The following FMN1 variants were observed in gnomAD, a reference collection of about 807,000 sequenced individuals.
FMN1 encodes the protein formin-1.
FMN1 carries 110 observed loss-of-function variants against 132.4 expected under a neutral mutation model. The observed-to-expected ratio is 0.83, with a 90% CI of 0.71 to 0.97. FMN1 has a LOEUF of 0.97. FMN1 is among the 50% of genes least tolerant of loss of function. The pLI is 0.00. For synonymous variants in FMN1, 722 were observed against 651.7 expected, an observed-to-expected ratio of 1.11 and a Z score of -1.64; for missense variants, 1,792 against 1,705.3, an observed-to-expected ratio of 1.05 and a Z score of -0.90.
chr15:33,147,165 CA>C (rs869166176), intron 4 of FMN1, among the ~76,000 whole-genome samples: 207 of 69,214 alleles, frequency 3.0e-3, no homozygotes, highest in East Asian at 7.7e-3. Context: ...GACTCCGTCT[CA>C]AAAAAAAAAA....
chr15:32,908,256 G>T (rs1480867334), intron 12 of FMN1: 1 of 432,972 alleles, frequency 2.3e-6, no homozygotes, highest in Non-Finnish European at 4.2e-6. Flanking sequence ...AAAGAAAGGG[G>T]AGTCTCTTGG....
intron 9 of FMN1, among the ~76,000 whole-genome samples, chr15:32,926,501 G>A (rs1381052683): frequency 6.6e-6 from 1 of 152,112 alleles, no homozygotes; most frequent in African/African-American, 2.4e-5. Flanking sequence ...TAATACAAAC[G>A]CTAAATCTTT....
chr15:32,919,878 G>A (rs1485271140), intron 10 of FMN1, among the ~76,000 whole-genome samples: 2 of 152,106 alleles, frequency 1.3e-5, no homozygotes, highest in East Asian at 3.9e-4. Flanking sequence ...AGGTCCAGCG[G>A]GCATTCTCAG....
intron 4 of FMN1, among the ~76,000 whole-genome samples, chr15:33,135,929 C>G (rs117416596): frequency 0.016 from 2,411 of 152,282 alleles, 38 homozygotes; most frequent in Non-Finnish European, 0.025. Flanking sequence ...TCCATGAGGA[C>G]AGGAATTAGC....
At chr15:32,808,217 GCTTT>G in intron 17 of FMN1, among the ~76,000 whole-genome samples, 1 of 152,302 alleles carries the variant, frequency 6.6e-6, no homozygotes, top group South Asian at 2.1e-4. Flanking sequence ...AGCAGAAATG[GCTTT>G]CTATTCCATG....
chr15:32,784,541 A>T (rs959812020), intron 19 of FMN1, among the ~76,000 whole-genome samples: 6 of 152,082 alleles, frequency 3.9e-5, no homozygotes, highest in Admixed American at 3.3e-4. Flanking sequence ...AACTGATTTA[A>T]GAAGACCAAG....
chr15:33,133,446 G>A (rs1963633642), intron 4 of FMN1, among the ~76,000 whole-genome samples: 1 of 152,146 alleles, frequency 6.6e-6, no homozygotes, highest in South Asian at 2.1e-4. Context: ...GTACGAACAG[G>A]GCCATAGAAA....
intron 7 of FMN1, among the ~76,000 whole-genome samples, chr15:33,006,844 G>A (rs1002270149): frequency 7.9e-5 from 12 of 152,060 alleles, no homozygotes; most frequent in African/African-American, 2.4e-4. Flanking sequence ...AGTCGAACTC[G>A]CAGGAACAGG....
intron 12 of FMN1, among the ~76,000 whole-genome samples, chr15:32,902,403 C>T (rs574524594): frequency 7.2e-5 from 11 of 152,240 alleles, no homozygotes; most frequent in African/African-American, 2.4e-4. Flanking sequence ...AATAAACTCC[C>T]TCATAATGCA....
intron 4 of FMN1, among the ~76,000 whole-genome samples, chr15:33,128,628 T>TA (rs1026281131): frequency 1.3e-5 from 2 of 152,234 alleles, no homozygotes; most frequent in Non-Finnish European, 2.9e-5. Context: ...CGGCAAGTGT[T>TA]ACAGCTCTTA....
intron 17 of FMN1, among the ~76,000 whole-genome samples, chr15:32,855,327 T>C (rs2141282322): frequency 6.6e-6 from 1 of 152,114 alleles, no homozygotes; most frequent in East Asian, 1.9e-4. Context: ...GTTTTAGGAC[T>C]TTCTTAGAAC....
intron 16 of FMN1, among the ~76,000 whole-genome samples, chr15:32,874,342 A>G (rs936856996): frequency 6.6e-6 from 1 of 152,144 alleles, no homozygotes. Flanking sequence ...TATATAGCGA[A>G]TATCAAGCCC....
chr15:33,065,186 T>A, intron 5 of FMN1, 112 bp from the exon 6 acceptor site: 2 of 640,524 alleles, frequency 3.1e-6, no homozygotes, highest in Admixed American at 3.0e-5. Context: ...TAGTTGCACA[T>A]TGCTCTCATT....
chr15:33,061,282 A>C (rs911098783), intron 6 of FMN1, among the ~76,000 whole-genome samples: 88 of 152,322 alleles, frequency 5.8e-4, no homozygotes, highest in African/African-American at 1.9e-3. Flanking sequence ...CCTGCAATAA[A>C]GCTAGCATGC....
At chr15:33,071,948 C>T (rs573032066) in intron 5 of FMN1, among the ~76,000 whole-genome samples, 2 of 152,274 alleles carry the variant, frequency 1.3e-5, no homozygotes, top group East Asian at 3.9e-4. Context: ...ACCTATTACA[C>T]AAAACCAGCA....
intron 17 of FMN1, among the ~76,000 whole-genome samples, chr15:32,836,515 G>C (rs2058630407): frequency 6.6e-6 from 1 of 152,022 alleles, no homozygotes; most frequent in Admixed American, 6.6e-5. Flanking sequence ...TTTAGTCTCA[G>C]TACTACAAAT....
rs749937524 is a variant in FMN1, at chr15:32,774,287, C to G, written c.*23G>C. The G allele has an allele frequency of 1.3e-5, 20 of 1,589,142 alleles. No individual in the cohort carries two copies. Among genetic ancestry groups the G allele is most frequent in the Non-Finnish European group, 1.4e-5 (16 of 1,162,474 alleles). ...GTGCAAGGTCCTCCACCTCCAGTGC[C>G]ATCATTTCCATGTGTCTTCATCTTA... is the stretch of plus-strand genomic sequence containing the variant. On this transcript the variant is annotated 3_prime_UTR_variant, in exon 21 of 21. Coordinates refer to ENST00000616417, the MANE Select transcript of FMN1 (RefSeq NM_001277313.2).
intron 7 of FMN1, among the ~76,000 whole-genome samples, chr15:32,989,491 T>C (rs928697685): frequency 1.3e-5 from 2 of 150,994 alleles, no homozygotes; most frequent in Non-Finnish European, 3.0e-5. Flanking sequence ...TGTAGGGAAA[T>C]AGCGGAAGAG....
At chr15:32,998,227 G>GCTA (rs1425238062) in intron 7 of FMN1, among the ~76,000 whole-genome samples, 5 of 152,210 alleles carry the variant, frequency 3.3e-5, no homozygotes, top group Admixed American at 6.5e-5. Context: ...CTTTCCTAAT[G>GCTA]CTACCCCCCA....
Sources: gnomAD v4.1 joint callset for allele counts (sites outside exome capture counted in the v4.1 genomes callset) on GRCh38, gnomAD v4.1.1 for gene constraint, MANE v1.5 for transcripts, NCBI Gene and HGNC (gene_info 2026-07-23, HGNC 2026-07-21) for gene names.